Variants in GALNT13 observed in about 807,000 individuals in gnomAD.
GALNT13 encodes the protein polypeptide N-acetylgalactosaminyltransferase 13.
A neutral mutation model predicts 64.2 loss-of-function variants in GALNT13; 28 were observed. The observed-to-expected ratio is 0.44, with a 90% confidence interval of 0.32 to 0.60. The LOEUF is 0.60. Ranked by LOEUF, GALNT13 falls within the 20% of genes least tolerant of loss-of-function variation. The pLI, the probability that GALNT13 is intolerant of heterozygous loss-of-function variation, is 0.05. For synonymous variants in GALNT13, 214 were observed against 224.6 expected (o/e 0.95, Z 0.42); for missense variants, 577 against 669.8 (o/e 0.86, Z 1.53).
At chr2:153,478,753 A>G in the GALNT13 span, 2 of 596,638 alleles carry the variant, frequency 3.4e-6, no homozygotes, top group Admixed American at 6.4e-5. Flanking sequence ...CGCAGCAGCT[A>G]GGCTCTTCTA....
At chr2:154,157,770 C>A (rs1684506904) in intron 4 of GALNT13, among the ~76,000 whole-genome samples, 1 of 152,148 alleles carries the variant, frequency 6.6e-6, no homozygotes, top group Admixed American at 6.6e-5. Context: ...GCCGAGGTCA[C>A]TAATGATTGC....
At chr2:153,331,239 TC>T in the GALNT13 span, among the ~76,000 whole-genome samples, 1 of 151,014 alleles carries the variant, frequency 6.6e-6, no homozygotes, top group South Asian at 2.1e-4. Flanking sequence ...TTTTTTTTTT[TC>T]ATCATGTCTT....
At chr2:153,349,243 C>T in the GALNT13 span, among the ~76,000 whole-genome samples, 1 of 151,904 alleles carries the variant, frequency 6.6e-6, no homozygotes, top group Non-Finnish European at 1.5e-5. Context: ...GCTCTGTGAA[C>T]CGTGCATTTT....
intron 3 of GALNT13, among the ~76,000 whole-genome samples, chr2:154,136,976 A>G (rs1574575430): frequency 1.3e-5 from 2 of 151,420 alleles, no homozygotes; most frequent in East Asian, 1.9e-4. Flanking sequence ...TCCTCTGACT[A>G]TGGGGAAGCA....
At chr2:153,694,649 A>G in the GALNT13 span, among the ~76,000 whole-genome samples, 1 of 152,198 alleles carries the variant, frequency 6.6e-6, no homozygotes, top group Non-Finnish European at 1.5e-5. Flanking sequence ...ATGGTGTTAG[A>G]AATATTCAAT....
chr2:154,129,171 C>A (rs1401653487), intron 3 of GALNT13, among the ~76,000 whole-genome samples: 2 of 152,172 alleles, frequency 1.3e-5, no homozygotes, highest in Middle Eastern at 3.4e-3. Flanking sequence ...TCCTAAACTA[C>A]CTTTTATGGT....
chr2:153,142,839 G>A, the GALNT13 span, among the ~76,000 whole-genome samples: 1 of 151,930 alleles, frequency 6.6e-6, no homozygotes, highest in African/African-American at 2.4e-5. Context: ...GAAAACGGTA[G>A]GTGGGAGGTA....
chr2:153,893,443 A>G (rs1687684697), intron 1 of GALNT13, among the ~76,000 whole-genome samples: 1 of 152,016 alleles, frequency 6.6e-6, no homozygotes, highest in Non-Finnish European at 1.5e-5. Context: ...GAATATTTGG[A>G]AAATTAGAAA....
intron 7 of GALNT13, among the ~76,000 whole-genome samples, chr2:154,247,957 TG>T (rs995715389): frequency 2.4e-4 from 36 of 152,250 alleles, no homozygotes; most frequent in African/African-American, 8.4e-4. Flanking sequence ...TCCTTCTACT[TG>T]TAATCTATTG....
the GALNT13 span, among the ~76,000 whole-genome samples, chr2:153,392,128 T>A: frequency 0.1 from 15,088 of 148,882 alleles, 887 homozygotes; most frequent in South Asian, 0.22. Flanking sequence ...ATATATAAAT[T>A]AAATTAAATA....
At chr2:153,703,657 C>A in the GALNT13 span, among the ~76,000 whole-genome samples, 2 of 152,090 alleles carry the variant, frequency 1.3e-5, no homozygotes, top group Admixed American at 6.6e-5. Flanking sequence ...TCCTTGATAT[C>A]TGTTTCTTCT....
chr2:153,397,724 G>A, the GALNT13 span, among the ~76,000 whole-genome samples: 2 of 151,916 alleles, frequency 1.3e-5, no homozygotes, highest in African/African-American at 4.8e-5. Flanking sequence ...TGCTGCTCTA[G>A]TTGTTAACTG....
intron 2 of GALNT13, among the ~76,000 whole-genome samples, chr2:153,917,916 GTT>G (rs34793096): frequency 3.7e-4 from 55 of 148,424 alleles, no homozygotes; most frequent in South Asian, 1.3e-3. Context: ...CATGACCACA[GTT>G]TTTTTTTTTT....
the GALNT13 span, among the ~76,000 whole-genome samples, chr2:153,306,854 A>C: frequency 1.3e-5 from 2 of 152,148 alleles, no homozygotes; most frequent in African/African-American, 2.4e-5. Flanking sequence ...CTCCTGCCTC[A>C]GCCTCCCAGG....
intron 2 of GALNT13, among the ~76,000 whole-genome samples, chr2:153,943,302 A>G (rs1363173548): frequency 6.6e-6 from 1 of 152,000 alleles, no homozygotes; most frequent in Non-Finnish European, 1.5e-5. Flanking sequence ...ATGTTAATAT[A>G]TTTTTCCCCT....
chr2:154,298,884 TTATA>T (rs1395981434), intron 8 of GALNT13, among the ~76,000 whole-genome samples: 1 of 60,676 alleles, frequency 1.6e-5, no homozygotes, highest in African/African-American at 5.5e-5. Context: ...TATATATTAT[TTATA>T]TATACATTAT....
the GALNT13 span, among the ~76,000 whole-genome samples, chr2:153,723,736 C>G: frequency 1.3e-5 from 2 of 151,710 alleles, no homozygotes; most frequent in Non-Finnish European, 2.9e-5. Flanking sequence ...ACCTAGGAAT[C>G]CAACTTACAA....
At chr2:154,175,720 G>A (rs1217226781) in intron 4 of GALNT13, among the ~76,000 whole-genome samples, 1 of 152,096 alleles carries the variant, frequency 6.6e-6, no homozygotes, top group Non-Finnish European at 1.5e-5. Flanking sequence ...TAAATGTGTA[G>A]TAGGGTAATA....
At chr2:153,692,198 A>G in the GALNT13 span, among the ~76,000 whole-genome samples, 5 of 152,144 alleles carry the variant, frequency 3.3e-5, no homozygotes, top group African/African-American at 1.2e-4. Context: ...AAATGAGGCT[A>G]GGGTTCACCC....
Sources: gnomAD v4.1 joint callset for allele counts (sites outside exome capture counted in the v4.1 genomes callset) on GRCh38, gnomAD v4.1.1 for gene constraint, MANE v1.5 for transcripts, NCBI Gene and HGNC (gene_info 2026-07-23, HGNC 2026-07-21) for gene names.